AXIN2: variants seen among roughly 807,000 people sequenced by gnomAD.
The protein encoded by AXIN2 is axin-2.
AXIN2 carries 21 observed loss-of-function variants against 74.7 expected under a neutral mutation model. The ratio of observed to expected loss-of-function variants is 0.28; its 90% CI spans 0.20 to 0.40. The LOEUF is 0.40. Among genes scored for constraint, AXIN2 ranks in the 10% least tolerant of loss-of-function variants. The probability of loss-of-function intolerance (pLI) is 1.00; values close to 1 mark genes in which losing one functional copy is unlikely to be tolerated. For synonymous variants in AXIN2, 532 were observed against 454.9 expected, an observed-to-expected ratio of 1.17 and a Z score of -2.16; for missense variants, 1,144 against 1,111.1, an observed-to-expected ratio of 1.03 and a Z score of -0.42.
At chr17:65,548,154 T>A (rs1260315369) in intron 3 of AXIN2, among the ~76,000 whole-genome samples, 1 of 152,256 alleles carries the variant, frequency 6.6e-6, no homozygotes, top group East Asian at 1.9e-4. Flanking sequence ...CTTTCCTGTT[T>A]CCATATTGGA....
Position 65,558,059 on chromosome 17 carries a change from G to C in AXIN2, c.562C>G (p.Gln188Glu), listed in dbSNP as rs753803824. 1.2e-6 allele frequency: 2 copies of C among 1,613,968 alleles called. No individual in the cohort carries two copies. Among genetic ancestry groups the C allele is most frequent in the Non-Finnish European group, 1.7e-6 (2 of 1,180,018 alleles). ...IQSVMEENAY[Q>E]MFLTSDIYLE... ...TATATATCAGAAGTCAAAAACATCT[G>C]GTAGGCATTTTCCTCCATCACCGAC... Residue 188 changes from glutamine to glutamate, a missense_variant, in exon 2 of 11, where the codon CAG becomes GAG. Coordinates refer to ENST00000307078, the MANE Select transcript of AXIN2 (RefSeq NM_004655.4).
chr17:65,539,674 G>T (rs897168127), intron 4 of AXIN2, among the ~76,000 whole-genome samples: 1 of 152,240 alleles, frequency 6.6e-6, no homozygotes, highest in African/African-American at 2.4e-5. Flanking sequence ...AGCTTTCAGA[G>T]AAGAGCTATA....
In AXIN2 at chr17:65,536,397, CA is replaced by C; in HGVS notation, c.2063del (p.Leu688ArgfsTer17). The C allele has an allele frequency of 6.2e-7, 1 of 1,613,772 alleles. No homozygotes were observed. ...LFTQDPAMPP[L>X]TPPNTLAQLE... is the part of the protein sequence containing the mutation. Reference sequence around the variant, plus strand: ...GCTGAGCCAGCGTGTTGGGTGGGGTCAGGGGAGGCATCGCAGGGTCCTGGGT... The same window carrying C: ...GCTGAGCCAGCGTGTTGGGTGGGGTCGGGGAGGCATCGCAGGGTCCTGGGT... On this transcript the variant is annotated frameshift_variant, in exon 8 of 11. Coordinates refer to ENST00000307078, the MANE Select transcript of AXIN2 (RefSeq NM_004655.4). LOFTEE classifies it high-confidence loss of function.
At chr17:65,541,751 CATCA>C (rs2044047010) in intron 3 of AXIN2, among the ~76,000 whole-genome samples, 194 bp from the exon 4 acceptor site, 1 of 152,204 alleles carries the variant, frequency 6.6e-6, no homozygotes. Context: ...AAATCCTGCC[CATCA>C]ATCATCTATG....
At chr17:65,547,016 G>A (rs2044128201) in intron 3 of AXIN2, among the ~76,000 whole-genome samples, 1 of 152,170 alleles carries the variant, frequency 6.6e-6, no homozygotes, top group African/African-American at 2.4e-5. Flanking sequence ...ATAGGGACTG[G>A]CAAAGGTAAC....
rs1297040678 is a variant in AXIN2, at chr17:65,537,327, A to G, written c.1709T>C (p.Phe570Ser). Residue 570 changes from phenylalanine (F) to serine (S), a missense_variant, in exon 6 of 11, where the codon TTT becomes TCT. This residue lies in a region of AXIN2 where 1,053 missense variants were observed against 973.5 expected (regional missense o/e 1.08). Coordinates refer to ENST00000307078, the MANE Select transcript of AXIN2 (RefSeq NM_004655.4). ...KAPETMPSEQ[F>S]GGSRGSTLPK... ...CTGCGGTCCGCCCGGCACTTACCCA[A>G]ACTGCTCGCTGGGCATGGTTTCCGG... is the stretch of plus-strand genomic sequence containing the variant. 3.7e-6 allele frequency: 6 copies of G among 1,613,982 alleles called. No individual in the cohort carries two copies. In the South Asian group the frequency reaches 5.5e-5, roughly 15 times the overall value.
chr17:65,542,815 T>A (rs1014957465), intron 3 of AXIN2, among the ~76,000 whole-genome samples: 3 of 152,194 alleles, frequency 2.0e-5, no homozygotes, highest in African/African-American at 7.2e-5. Flanking sequence ...ACTTGGAGGC[T>A]GTAAATATTG....
intron 9 of AXIN2, among the ~76,000 whole-genome samples, 164 bp from the exon 10 acceptor site, chr17:65,534,243 G>A (rs1412026190): frequency 1.3e-5 from 2 of 152,250 alleles, no homozygotes; most frequent in South Asian, 2.1e-4. Context: ...ACATCCCAGA[G>A]TCAGGCAGCT....
chr17:65,560,291 G>C (rs1221905296), intron 1 of AXIN2: 1 of 152,276 alleles, frequency 6.6e-6, no homozygotes, highest in Admixed American at 6.5e-5. Context: ...GGGCGCCCCG[G>C]ACTTGGGCCG....
chr17:65,539,583 G>A (rs190855471), intron 4 of AXIN2, among the ~76,000 whole-genome samples: 29 of 152,366 alleles, frequency 1.9e-4, no homozygotes, highest in African/African-American at 4.8e-4. Context: ...TGTAGAGGGA[G>A]GGGATGCTAG....
intron 1 of AXIN2, chr17:65,560,283 G>A (rs1479211004): frequency 6.6e-6 from 1 of 152,282 alleles, no homozygotes; most frequent in Non-Finnish European, 1.5e-5. Flanking sequence ...AGGGACACGG[G>A]CGCCCCGGAC....
chr17:65,557,057 G>C (rs889411120), intron 2 of AXIN2, among the ~76,000 whole-genome samples: 43 of 152,282 alleles, frequency 2.8e-4, no homozygotes, highest in African/African-American at 1.0e-3. Flanking sequence ...CAAAGAGAAA[G>C]TACTCCAGGG....
At chr17:65,536,658 A>G in intron 7 of AXIN2, 105 bp from the exon 8 acceptor site, 1 of 1,432,824 alleles carries the variant, frequency 7.0e-7, no homozygotes. Context: ...TCAGAGAGAG[A>G]GTTAAAAAAA....
intron 7 of AXIN2, 30 bp from the exon 8 acceptor site, chr17:65,536,583 G>A: frequency 1.2e-6 from 2 of 1,610,224 alleles, no homozygotes; most frequent in Non-Finnish European, 1.7e-6. Flanking sequence ...AGAGAAAACA[G>A]AAGGAAAGAA....
At chr17:65,560,962 T>G (rs1598123762) in intron 1 of AXIN2, 1 of 138,072 alleles carries the variant, frequency 7.2e-6, no homozygotes. Flanking sequence ...ACATGGGGAG[T>G]CGTGCGGCGG....
intron 2 of AXIN2, among the ~76,000 whole-genome samples, chr17:65,552,790 A>G (rs544178519): frequency 6.6e-6 from 1 of 152,326 alleles, no homozygotes; most frequent in African/African-American, 2.4e-5. Flanking sequence ...GCACTTTGGG[A>G]GGCCGAGATG....
intron 9 of AXIN2, among the ~76,000 whole-genome samples, chr17:65,535,290 C>T (rs1190340474): frequency 6.6e-6 from 1 of 152,200 alleles, no homozygotes. Context: ...AATGATCTTT[C>T]TGCTCAGGGG....
chr17:65,557,618 T>C (rs2044286475), intron 2 of AXIN2, among the ~76,000 whole-genome samples, 188 bp downstream of exon 2: 1 of 152,210 alleles, frequency 6.6e-6, no homozygotes, highest in Non-Finnish European at 1.5e-5. Context: ...ACTGCAGGTA[T>C]TTACTGTATG....
At chr17:65,543,556 T>C (rs985033788) in intron 3 of AXIN2, among the ~76,000 whole-genome samples, 8 of 152,166 alleles carry the variant, frequency 5.3e-5, no homozygotes, top group African/African-American at 1.9e-4. Flanking sequence ...TGAGCCACAT[T>C]TTACAGATGA....
Sources: gnomAD v4.1 joint callset for allele counts (sites outside exome capture counted in the v4.1 genomes callset) on GRCh38, gnomAD v4.1.1 for gene constraint, gnomAD v4.1.1 regional missense constraint, MANE v1.5 for transcripts, NCBI Gene and HGNC (gene_info 2026-07-23, HGNC 2026-07-21) for gene names.